Variants in ELP6 observed in about 807,000 individuals in gnomAD.
ELP6 encodes elongator acetyltransferase complex subunit 6.
In ELP6, 23 loss-of-function variants were observed where a neutral mutation model predicts 28.1. That is an observed-to-expected ratio of 0.82 (90% confidence interval 0.59 to 1.16). The LOEUF is 1.16. Ranked by LOEUF, ELP6 falls within the 50% of genes most tolerant of loss-of-function variation. The probability of loss-of-function intolerance (pLI) is 0.00; values close to 1 mark genes in which losing one functional copy is unlikely to be tolerated. For synonymous variants in ELP6, 132 were observed against 135.8 expected, an observed-to-expected ratio of 0.97 and a Z score of 0.19; for missense variants, 313 against 334.6, an observed-to-expected ratio of 0.94 and a Z score of 0.50.
chr3:47,512,483 T>C, intron 1 of ELP6: 1 of 417,822 alleles, frequency 2.4e-6, no homozygotes, highest in Non-Finnish European at 3.2e-6. Flanking sequence ...ACCCGGGAGG[T>C]GAGGTTGCAG....
At chr3:47,512,268 C>G (rs1382448679) in intron 1 of ELP6, 1 of 170,800 alleles carries the variant, frequency 5.9e-6, no homozygotes, top group African/African-American at 2.4e-5. Context: ...GGCGTGGTGG[C>G]TCACGCCTGT....
rs1190736849 is a variant in ELP6, at chr3:47,501,635, C to A, written c.525+15G>T. ...AGGTCACAGGTGGGCGCAGAGAAGG[C>A]AGTTCCATGAGTACCTTTAGTTCCC... On this transcript the variant is annotated intron_variant, in intron 5 of 6. Transcript: ENST00000296149. 2.5e-6 allele frequency: 4 copies of A among 1,613,338 alleles called. No homozygotes were observed. The highest frequency in any genetic ancestry group is 2.5e-6 in the Non-Finnish European group (3 of 1,179,344).
chr3:47,501,141 T>TAGGAACCA (rs1708637820), intron 5 of ELP6, among the ~76,000 whole-genome samples: 1 of 152,244 alleles, frequency 6.6e-6, no homozygotes, highest in Non-Finnish European at 1.5e-5. Context: ...CAGATTTCTT[T>TAGGAACCA]GTTCCTTCTC....
chr3:47,501,165 G>C (rs1008823420), intron 5 of ELP6, among the ~76,000 whole-genome samples: 6 of 152,156 alleles, frequency 3.9e-5, no homozygotes, highest in African/African-American at 1.4e-4. Flanking sequence ...TCCCACTGCT[G>C]TATTTGACTA....
chr3:47,501,939 G>C, intron 4 of ELP6, 88 bp from the exon 5 acceptor site: 1 of 1,254,284 alleles, frequency 8.0e-7, no homozygotes, highest in Non-Finnish European at 1.1e-6. Context: ...GAGGGCTAAG[G>C]GGGACAAAGA....
chr3:47,502,059 G>A (rs563760007), intron 4 of ELP6, among the ~76,000 whole-genome samples: 53 of 152,250 alleles, frequency 3.5e-4, no homozygotes, highest in Non-Finnish European at 6.0e-4. Flanking sequence ...TAGGTATAAA[G>A]CACTGTGTTA....
intron 1 of ELP6, chr3:47,512,009 G>A (rs953729492): frequency 2.0e-6 from 2 of 985,180 alleles, no homozygotes; most frequent in African/African-American, 1.7e-5. Context: ...TCATTTCCTG[G>A]TGCCCACTTG....
At chr3:47,502,268 G>C (rs1708685735) in intron 4 of ELP6, 1 of 311,944 alleles carries the variant, frequency 3.2e-6, no homozygotes, top group Admixed American at 6.5e-5. Flanking sequence ...AAATTAGCCA[G>C]GTGTGGTGGC....
intron 5 of ELP6, chr3:47,499,693 CAAAAAAAAA>C: frequency 1.5e-6 from 1 of 645,272 alleles, no homozygotes. Context: ...AACTCCGTCT[CAAAAAAAAA>C]AAAAAAAAAA....
chr3:47,498,036 G>A, intron 6 of ELP6: 1 of 984,304 alleles, frequency 1.0e-6, no homozygotes, highest in Non-Finnish European at 1.2e-6. Context: ...ACTCTAGACA[G>A]CTGTCTCCTC....
intron 6 of ELP6, chr3:47,496,816 T>C (rs1708493754): frequency 8.1e-6 from 8 of 985,342 alleles, no homozygotes; most frequent in Non-Finnish European, 9.6e-6. Context: ...CTTCTAAGCA[T>C]GGTTTTGTAC....
chr3:47,501,616 C>T (rs1216468705), intron 5 of ELP6, 34 bp downstream of exon 5: 1 of 1,605,168 alleles, frequency 6.2e-7, no homozygotes, highest in East Asian at 2.2e-5. Context: ...TTGGAGGTCA[C>T]AGGTGGGCGC....
Position 47,498,306 on chromosome 3 carries a change from A to G in ELP6, c.652T>C (p.Cys218Arg), listed in dbSNP as rs758010210. Residue 218 changes from cysteine (C) to arginine (R), a missense_variant, in exon 6 of 7, where the codon TGC (cysteine) becomes CGC (arginine). Cys to Arg is a radical substitution (Grantham distance 180, BLOSUM62 -3). Transcript: ENST00000296149. ...LRAEGLATGFCRDVHGQLRIL... is the reference protein window; with the variant it reads ...LRAEGLATGFRRDVHGQLRIL... Reference sequence around the variant, plus strand: ...CATACCTGCCCGTGCACATCCCTGCAGAAGCCAGTGGCCAGGCCCTCAGCC... The same window carrying G: ...CATACCTGCCCGTGCACATCCCTGCGGAAGCCAGTGGCCAGGCCCTCAGCC... 8.1e-6 allele frequency: 13 copies of G among 1,613,628 alleles called. No individual in the cohort carries two copies. Among genetic ancestry groups the G allele is most frequent in the Non-Finnish European group, 1.0e-5 (12 of 1,180,036 alleles).
At chr3:47,502,524 G>C in intron 4 of ELP6, 1 of 984,894 alleles carries the variant, frequency 1.0e-6, no homozygotes, top group Non-Finnish European at 1.2e-6. Flanking sequence ...CTTCCCAGGA[G>C]GTTATACACA....
At chr3:47,510,057 G>T in intron 3 of ELP6, 127 bp downstream of exon 3, 1 of 767,478 alleles carries the variant, frequency 1.3e-6, no homozygotes, top group Non-Finnish European at 2.1e-6. Context: ...ACCACGCCCG[G>T]CCCAATATTT....
chr3:47,510,649 A>C (rs1708987332), intron 2 of ELP6, among the ~76,000 whole-genome samples: 1 of 152,128 alleles, frequency 6.6e-6, no homozygotes, highest in Non-Finnish European at 1.5e-5. Flanking sequence ...TTGTAGAAAC[A>C]GGGTCTCCCT....
In ELP6 at chr3:47,513,694, A is replaced by G. The variant is rs2030017711; in HGVS notation, c.-104T>C. The G allele has an allele frequency of 4.1e-6, 6 of 1,460,814 alleles. No individual in the cohort carries two copies. Among genetic ancestry groups the G allele is most frequent in the South Asian group, 2.4e-5 (2 of 84,180 alleles). 90.5% of individuals were successfully genotyped at this position (1,460,814 alleles called of 1,614,324 possible). On this transcript the variant is annotated 5_prime_UTR_variant, in exon 1 of 7. Transcript: ENST00000296149. ...CCCGACAGCCCGGCTCGCGCAAGGA[A>G]GCGCGCATGCGCAATGCCACTTTTG... is the stretch of plus-strand genomic sequence containing the variant.
chr3:47,496,283 T>C (rs1303192452), intron 6 of ELP6, 86 bp from the exon 7 acceptor site: 1 of 1,510,286 alleles, frequency 6.6e-7, no homozygotes, highest in East Asian at 2.4e-5. Context: ...TCTGTGCCCT[T>C]CAGCTGAGGC....
chr3:47,511,186 C>T lies in ELP6; in HGVS notation c.95G>A (p.Ser32Asn). The change falls in exon 2 of 7, where the codon AGT becomes AAT. Residue 32 changes from serine (S) to asparagine (N), a missense_variant. Transcript: ENST00000296149. ...GGAGAGAAAGTGGTGTACAAGGAAACTCCCATCTGTCTTGGCATCACAGAG... is the reference window on the plus strand; with the variant it reads ...GGAGAGAAAGTGGTGTACAAGGAAATTCCCATCTGTCTTGGCATCACAGAG... Reference protein sequence around the residue: ...TLLCDAKTDGSFLVHHFLSFY... With the variant: ...TLLCDAKTDGNFLVHHFLSFY... The T allele has an allele frequency of 6.2e-7, 1 of 1,614,088 alleles. No homozygotes were observed. Among genetic ancestry groups the T allele is most frequent in the Non-Finnish European group, 8.5e-7 (1 of 1,179,996 alleles).
Sources: gnomAD v4.1 joint callset for allele counts (sites outside exome capture counted in the v4.1 genomes callset) on GRCh38, gnomAD v4.1.1 for gene constraint, MANE v1.5 for transcripts, NCBI Gene and HGNC (gene_info 2026-07-23, HGNC 2026-07-21) for gene names.